TRABD2B: variants seen among roughly 807,000 people sequenced by gnomAD.
TRABD2B encodes metalloprotease TIKI2.
Under a neutral mutation model 40.1 loss-of-function variants are expected in TRABD2B, and 14 were observed. The ratio of observed to expected loss-of-function variants is 0.35; its 90% CI spans 0.23 to 0.55. TRABD2B has a LOEUF of 0.55. Among genes scored for constraint, TRABD2B ranks in the 20% least tolerant of loss-of-function variants. The pLI, the probability that TRABD2B is intolerant of heterozygous loss-of-function variation, is 0.90. For synonymous variants in TRABD2B, 263 were observed against 277.0 expected, an observed-to-expected ratio of 0.95 and a Z score of 0.50; for missense variants, 541 against 648.6, an observed-to-expected ratio of 0.83 and a Z score of 1.80.
intron 6 of TRABD2B, among the ~76,000 whole-genome samples, chr1:47,770,308 C>A (rs529995282): frequency 6.6e-6 from 1 of 152,110 alleles, no homozygotes; most frequent in East Asian, 1.9e-4. Flanking sequence ...CCAAGCAGGT[C>A]GGATGAGAGA....
At chr1:47,916,404 T>C (rs544319498) in intron 2 of TRABD2B, among the ~76,000 whole-genome samples, 1 of 152,136 alleles carries the variant, frequency 6.6e-6, no homozygotes, top group East Asian at 1.9e-4. Context: ...GGGGGAACAC[T>C]GAAGGAGGGG....
intron 2 of TRABD2B, among the ~76,000 whole-genome samples, chr1:47,868,126 G>C (rs1248611248): frequency 6.6e-6 from 1 of 152,218 alleles, no homozygotes; most frequent in Admixed American, 6.5e-5. Context: ...TCAATGTGGA[G>C]CAACTCAGAA....
chr1:47,769,385 C>T (rs1644349976), intron 6 of TRABD2B, among the ~76,000 whole-genome samples: 1 of 152,204 alleles, frequency 6.6e-6, no homozygotes, highest in African/African-American at 2.4e-5. Flanking sequence ...AATACTATGT[C>T]TCACAAGGTG....
intron 2 of TRABD2B, among the ~76,000 whole-genome samples, chr1:47,838,928 A>T (rs1645355972): frequency 6.6e-6 from 1 of 152,194 alleles, no homozygotes; most frequent in South Asian, 2.1e-4. Context: ...CGAAAGCTGG[A>T]GCTCCAGCTG....
At chr1:47,910,774 C>T (rs1644752771) in intron 2 of TRABD2B, among the ~76,000 whole-genome samples, 2 of 152,294 alleles carry the variant, frequency 1.3e-5, no homozygotes, top group South Asian at 2.1e-4. Context: ...TGCTCTTTTA[C>T]CTGCATGTCG....
chr1:47,989,902 T>A (rs1440272717), intron 2 of TRABD2B, among the ~76,000 whole-genome samples: 1 of 152,216 alleles, frequency 6.6e-6, no homozygotes, highest in East Asian at 1.9e-4. Context: ...ACTTGGCCTG[T>A]CTGTGTAATC....
intron 2 of TRABD2B, among the ~76,000 whole-genome samples, chr1:47,803,427 C>T (rs1226785651): frequency 6.6e-6 from 1 of 152,198 alleles, no homozygotes; most frequent in Non-Finnish European, 1.5e-5. Context: ...ACAATCCAGG[C>T]TAGACTGCTG....
intron 2 of TRABD2B, among the ~76,000 whole-genome samples, chr1:47,868,870 T>C (rs1644099577): frequency 6.6e-6 from 1 of 152,174 alleles, no homozygotes; most frequent in Admixed American, 6.5e-5. Flanking sequence ...TGGGCAAGTG[T>C]CCACAGTCAT....
intron 3 of TRABD2B, among the ~76,000 whole-genome samples, chr1:47,795,029 G>A (rs1315709273): frequency 6.6e-6 from 1 of 152,066 alleles, no homozygotes; most frequent in East Asian, 1.9e-4. Flanking sequence ...CCTTGGCTTC[G>A]CAAAGTGCTA....
intron 2 of TRABD2B, among the ~76,000 whole-genome samples, chr1:47,916,671 G>A (rs1644834022): frequency 6.6e-6 from 1 of 152,260 alleles, no homozygotes; most frequent in Non-Finnish European, 1.5e-5. Flanking sequence ...CACAGGTGGA[G>A]AAGGGCCCAT....
intron 2 of TRABD2B, among the ~76,000 whole-genome samples, chr1:47,942,533 A>G (rs962547505): frequency 2.0e-5 from 3 of 152,182 alleles, no homozygotes; most frequent in African/African-American, 7.2e-5. Context: ...GGCTGCTGCT[A>G]TGATGACACT....
chr1:47,799,817 C>T (rs1475066661), intron 3 of TRABD2B, among the ~76,000 whole-genome samples: 1 of 152,144 alleles, frequency 6.6e-6, no homozygotes, highest in African/African-American at 2.4e-5. Context: ...CCTTCTCTCC[C>T]CAGTCCCAGG....
intron 2 of TRABD2B, among the ~76,000 whole-genome samples, chr1:47,939,679 G>C (rs893636024): frequency 6.6e-6 from 1 of 152,142 alleles, no homozygotes; most frequent in Non-Finnish European, 1.5e-5. Flanking sequence ...CTAACCACAA[G>C]ACTATTTCAG....
intron 2 of TRABD2B, among the ~76,000 whole-genome samples, chr1:47,816,677 A>G (rs907738838): frequency 1.2e-4 from 19 of 152,040 alleles, no homozygotes; most frequent in African/African-American, 4.6e-4. Context: ...CCCTGTTTGA[A>G]GCTCTCCTAC....
intron 2 of TRABD2B, among the ~76,000 whole-genome samples, chr1:47,815,449 C>T (rs1645018440): frequency 6.6e-6 from 1 of 152,246 alleles, no homozygotes; most frequent in South Asian, 2.1e-4. Context: ...CCTTTTAGCT[C>T]CCTGCCCAGA....
intron 2 of TRABD2B, among the ~76,000 whole-genome samples, chr1:47,915,452 C>T (rs1157351714): frequency 6.6e-6 from 1 of 152,212 alleles, no homozygotes; most frequent in Non-Finnish European, 1.5e-5. Flanking sequence ...TTACCATTTG[C>T]ATGTGTATAC....
At chr1:47,878,134 G>C (rs981451761) in intron 2 of TRABD2B, among the ~76,000 whole-genome samples, 1 of 151,998 alleles carries the variant, frequency 6.6e-6, no homozygotes, top group Non-Finnish European at 1.5e-5. Context: ...GGCCAACATG[G>C]AGAAATCCCA....
At chr1:47,917,873 G>A (rs954526839) in intron 2 of TRABD2B, among the ~76,000 whole-genome samples, 107 of 152,358 alleles carry the variant, frequency 7.0e-4, no homozygotes, top group Admixed American at 6.8e-3. Flanking sequence ...CTGGGGAAGG[G>A]CTTTAGACTC....
rs58366003 is a variant in TRABD2B, at chr1:47,775,389, G to C, written c.1130C>G (p.Pro377Arg). 1.6e-6 allele frequency: 2 copies of C among 1,237,112 alleles called. No individual in the cohort carries two copies. The highest frequency in any genetic ancestry group is 3.1e-5 in the African/African-American group (2 of 64,660). The allele number at this position is 1,237,112 out of a possible 1,614,324, so 76.6% of individuals were successfully genotyped here. A position where few individuals can be genotyped will look rare whatever the true frequency, so the allele number is the denominator to read the frequency against. Residue 377 changes from proline to arginine, a missense_variant, in exon 6 of 7, where the codon CCG (proline) becomes CGG (arginine). Transcript: ENST00000606738. The part of the protein sequence containing the change: ...APSPEGTSTS[P>R]APVTPAAAVP... ...AGCGGCAGCTGGGGTCACTGGGGCC[G>C]GGCTCGTCGAGGTCCCCTCAGGAGA...
Sources: gnomAD v4.1 joint callset for allele counts (sites outside exome capture counted in the v4.1 genomes callset) on GRCh38, gnomAD v4.1.1 for gene constraint, MANE v1.5 for transcripts, NCBI Gene and HGNC (gene_info 2026-07-23, HGNC 2026-07-21) for gene names.